Variants in NR2C2 observed in about 807,000 individuals in gnomAD.
NR2C2 encodes Nuclear hormone receptor TR4.
In NR2C2, 6 loss-of-function variants were observed where a neutral mutation model predicts 62.9. The ratio of observed to expected loss-of-function variants is 0.10; its 90% CI spans 0.05 to 0.19. The LOEUF is 0.19. Among genes scored for constraint, NR2C2 ranks in the 10% least tolerant of loss-of-function variants. The pLI is 1.00. For missense variants in NR2C2, 479 were observed against 762.7 expected (o/e 0.63, Z 4.38); for synonymous variants, 272 against 273.8 (o/e 0.99, Z 0.07).
intron 1 of NR2C2, among the ~76,000 whole-genome samples, chr3:14,974,143 A>C (rs1361695594): frequency 6.6e-6 from 1 of 152,072 alleles, no homozygotes; most frequent in African/African-American, 2.4e-5. Context: ...ACTTTCTATG[A>C]ATTTGACTAT....
At chr3:14,990,689 AGT>A (rs1024057259) in intron 1 of NR2C2, among the ~76,000 whole-genome samples, 1 of 152,214 alleles carries the variant, frequency 6.6e-6, no homozygotes, top group Non-Finnish European at 1.5e-5. Flanking sequence ...TGGCATGGTA[AGT>A]GTGAGTGTCC....
chr3:15,028,306 A>G (rs558076960), intron 7 of NR2C2, among the ~76,000 whole-genome samples: 59 of 152,096 alleles, frequency 3.9e-4, no homozygotes, highest in Non-Finnish European at 7.4e-4. Context: ...ATGGGCTTTT[A>G]CTTTCTTGAC....
chr3:14,999,810 T>G (rs765666167), intron 1 of NR2C2, among the ~76,000 whole-genome samples: 2 of 152,190 alleles, frequency 1.3e-5, no homozygotes, highest in Non-Finnish European at 2.9e-5. Flanking sequence ...TTTGAACATA[T>G]AGGTGAGGGT....
At chr3:14,954,659 C>A (rs2039472019) in intron 1 of NR2C2, among the ~76,000 whole-genome samples, 1 of 151,936 alleles carries the variant, frequency 6.6e-6, no homozygotes, top group African/African-American at 2.4e-5. Context: ...AAAGTAATGC[C>A]AGTAGTATAA....
chr3:15,014,299 G>A (rs1279213640), intron 3 of NR2C2, among the ~76,000 whole-genome samples: 2 of 152,106 alleles, frequency 1.3e-5, no homozygotes, highest in Non-Finnish European at 2.9e-5. Flanking sequence ...GGATGGGGTT[G>A]AGGACAGTCC....
At chr3:14,956,163 T>C (rs2039517476) in intron 1 of NR2C2, among the ~76,000 whole-genome samples, 1 of 152,266 alleles carries the variant, frequency 6.6e-6, no homozygotes, top group Non-Finnish European at 1.5e-5. Context: ...TGAGTATCTT[T>C]TCTGTTGATG....
At position 15,024,351 on chromosome 3, in the gene NR2C2, A is replaced by T. The variant is rs950896976; in HGVS notation, c.798+143A>T. 6.8e-6 allele frequency: 4 copies of T among 589,240 alleles called. No individual in the cohort carries two copies. In the African/African-American group the frequency reaches 7.7e-5, roughly 11 times the overall value. The allele number at this position is 589,240 out of a possible 1,614,324, so 36.5% of individuals were successfully genotyped here. On this transcript the variant is annotated intron_variant, in intron 7 of 13. Transcript: ENST00000425241. ...ATGTCTCGGTCTCCTTATTGTTGTG[A>T]TAGCTATCTTGTGATTTGTTTTAGA...
chr3:14,957,769 C>A (rs1247181105), intron 1 of NR2C2, among the ~76,000 whole-genome samples: 3 of 152,088 alleles, frequency 2.0e-5, no homozygotes, highest in African/African-American at 7.2e-5. Context: ...CATCTACAGT[C>A]TCTGTCTTTT....
chr3:14,992,523 C>G (rs909218526), intron 1 of NR2C2, among the ~76,000 whole-genome samples: 1 of 152,096 alleles, frequency 6.6e-6, no homozygotes, highest in African/African-American at 2.4e-5. Context: ...CATTGTGGGC[C>G]TAATATGTGC....
At chr3:14,957,496 C>T (rs781553851) in intron 1 of NR2C2, among the ~76,000 whole-genome samples, 1 of 152,192 alleles carries the variant, frequency 6.6e-6, no homozygotes, top group African/African-American at 2.4e-5. Context: ...TATTGATCCA[C>T]TTGGATTTGA....
At position 15,020,856 on chromosome 3, in the gene NR2C2, C is replaced by A. The variant is rs763455891; in HGVS notation, c.480C>A (p.Ile160=). The change falls in exon 5 of 14, where the codon ATC becomes ATA. Residue 160 remains isoleucine (I), a synonymous_variant. Transcript: ENST00000425241. ...GCTGCCGGAGCAACCAAGACTGCAT[C>A]ATCAATAAACATCACCGGAACCGCT... is the stretch of plus-strand genomic sequence containing the variant. The part of the protein sequence containing the change: ...TYSCRSNQDC[I]INKHHRNRCQ... 1 of 1,614,124 alleles carries A rather than the reference C, an allele frequency of 6.2e-7. No homozygotes were observed. The highest frequency in any genetic ancestry group is 1.3e-5 in the African/African-American group (1 of 75,032).
Position 15,003,962 on chromosome 3 carries a change from T to C in NR2C2, c.48T>C (p.Ala16=), listed in dbSNP as rs967022089. 8.7e-6 allele frequency: 14 copies of C among 1,613,414 alleles called. No homozygotes were observed. The Admixed American group carries it at 1.7e-4, about 19-fold the overall frequency. ...TCCAGATAATCTCCACCGACTCTGC[T>C]GTAGCCTCACCTCAGCGCATTCAGG... ...PRIQIISTDS[A]VASPQRIQIV... The change falls in exon 2 of 14, where the codon GCT becomes GCC. Residue 16 remains alanine, a synonymous_variant. Coordinates refer to ENST00000425241, the MANE Select transcript of NR2C2 (RefSeq NM_001291694.2).
rs968337858 is a variant in NR2C2 at position 15,004,723 on chromosome 3, T to C, written c.72+737T>C. ...TGAATCAAAAAGCCAATTATAACGG[T>C]TGATTTCTCTGTTTTTCTTCTTGCA... On this transcript the variant is annotated intron_variant, in intron 2 of 13. Transcript: ENST00000425241. The C allele has an allele frequency of 3.1e-6, 4 of 1,286,686 alleles. No individual in the cohort carries two copies. In the Admixed American group the frequency reaches 9.8e-5, roughly 31 times the overall value. The allele number at this position is 1,286,686 out of a possible 1,614,324, so 79.7% of individuals were successfully genotyped here. A position where few individuals can be genotyped will look rare whatever the true frequency, so the allele number is the denominator to read the frequency against.
chr3:15,039,179 T>C lies in NR2C2; in HGVS notation c.1568T>C (p.Met523Thr), dbSNP rs150377665. 1.9e-6 allele frequency: 3 copies of C among 1,613,942 alleles called. No individual in the cohort carries two copies. The highest frequency in any genetic ancestry group is 2.7e-5 in the African/African-American group (2 of 74,872). The change falls in exon 13 of 14, where the codon ATG becomes ACG. Residue 523 changes from methionine to threonine, a missense_variant. Transcript: ENST00000425241. ...QIEKFQEKAQ[M>T]ELQDYVQKTY... ...GAAAAATTCCAAGAAAAGGCACAGA[T>C]GGAGTTGCAGGACTATGTTCAGAAA...
At chr3:14,995,928 T>G (rs940061758) in intron 1 of NR2C2, among the ~76,000 whole-genome samples, 9 of 152,208 alleles carry the variant, frequency 5.9e-5, no homozygotes, top group African/African-American at 2.2e-4. Flanking sequence ...TCCAGTGATA[T>G]TGAATATTTT....
At chr3:15,016,298 G>A in intron 4 of NR2C2, 44 bp downstream of exon 4, 3 of 1,389,570 alleles carry the variant, frequency 2.2e-6, no homozygotes, top group Non-Finnish European at 3.1e-6. Context: ...TGGGCCAACA[G>A]CATGAAGTAA....
chr3:15,006,132 A>G (rs1169225001), intron 2 of NR2C2, among the ~76,000 whole-genome samples: 1 of 152,114 alleles, frequency 6.6e-6, no homozygotes, highest in African/African-American at 2.4e-5. Flanking sequence ...GCTTGAGCCC[A>G]GGAGGTTGAG....
At chr3:15,029,852 C>CAGA (rs397738029) in intron 8 of NR2C2, among the ~76,000 whole-genome samples, 25 of 139,028 alleles carry the variant, frequency 1.8e-4, no homozygotes, top group African/African-American at 2.7e-4. Flanking sequence ...TATAGATAGA[C>CAGA]CCCATCTCTG....
chr3:15,043,238 C>T lies in NR2C2; in HGVS notation c.*230C>T. On this transcript the variant is annotated 3_prime_UTR_variant, in exon 14 of 14. Transcript: ENST00000425241. The stretch of plus-strand genomic sequence containing the variant: ...TTTGATGAAGCAGCAGATTTTGGAA[C>T]AATCTTTTAACTCAATTTGTATTTA... The T allele has an allele frequency of 5.6e-6, 2 of 355,802 alleles. No homozygotes were observed. Among genetic ancestry groups the T allele is most frequent in the East Asian group, 4.3e-5 (1 of 23,118 alleles). 22.0% of individuals were successfully genotyped at this position (355,802 alleles called of 1,614,324 possible).
Sources: allele counts gnomAD v4.1 joint callset (sites outside exome capture counted in the v4.1 genomes callset), GRCh38; gene constraint gnomAD v4.1.1; transcripts MANE v1.5; gene names NCBI Gene and HGNC (gene_info 2026-07-23, HGNC 2026-07-21).